Variants in COG5 observed in about 807,000 individuals in gnomAD.
COG5 encodes the protein component of oligomeric golgi complex 5.
In COG5, 86 loss-of-function variants were observed where a neutral mutation model predicts 110.4. That is an observed-to-expected ratio of 0.78 (90% confidence interval 0.65 to 0.93). COG5 has a LOEUF of 0.93. Ranked by LOEUF, COG5 falls within the 40% of genes least tolerant of loss-of-function variation. The pLI is 0.00. For synonymous variants in COG5, 360 were observed against 334.6 expected (o/e 1.08, Z -0.83); for missense variants, 1,077 against 987.0 (o/e 1.09, Z -1.22).
intron 21 of COG5, among the ~76,000 whole-genome samples, chr7:107,207,479 G>A (rs976169378): frequency 6.6e-6 from 1 of 152,172 alleles, no homozygotes; most frequent in Non-Finnish European, 1.5e-5. Flanking sequence ...GAACATTTGT[G>A]TACTCCTACT....
In COG5 at chr7:107,314,739, ACT is replaced by A. The variant is rs1206242636; in HGVS notation, c.1108+9699_1108+9700del. On this transcript the variant is annotated intron_variant, in intron 11 of 21. Transcript: ENST00000297135. ...ACTCCAGCCTGGGCAACAGAGTAAG[ACT>A]CTGTCTCAAATAAAACAAAACAAAA... is the stretch of plus-strand genomic sequence containing the variant. 2.0e-5 allele frequency among the ~76,000 whole-genome samples: 3 copies of A among 152,116 alleles called. No homozygotes were observed. In the South Asian group the frequency reaches 6.2e-4, roughly 32 times the overall value.
intron 7 of COG5, among the ~76,000 whole-genome samples, chr7:107,394,927 T>A (rs184404173): frequency 6.6e-6 from 1 of 152,134 alleles, no homozygotes; most frequent in South Asian, 2.1e-4. Context: ...GTTTCGTCTA[T>A]AAAAGAAGGG....
At chr7:107,339,521 G>A (rs1811005892) in intron 10 of COG5, among the ~76,000 whole-genome samples, 2 of 151,816 alleles carry the variant, frequency 1.3e-5, no homozygotes, top group Non-Finnish European at 2.9e-5. Context: ...TTAACTAACT[G>A]GACCTAATAG....
chr7:107,456,255 A>T (rs892742412), intron 6 of COG5, among the ~76,000 whole-genome samples: 3 of 152,226 alleles, frequency 2.0e-5, no homozygotes, highest in Non-Finnish European at 4.4e-5. Flanking sequence ...CAGTAAAAGA[A>T]ATGCCTCAAG....
chr7:107,241,311 C>G (rs1168271899), intron 17 of COG5, among the ~76,000 whole-genome samples: 8 of 151,650 alleles, frequency 5.3e-5, no homozygotes, highest in Non-Finnish European at 1.2e-4. Flanking sequence ...TATTGGTAAT[C>G]AGCAGTTATA....
At chr7:107,498,880 T>G (rs962052787) in intron 6 of COG5, among the ~76,000 whole-genome samples, 3 of 152,168 alleles carry the variant, frequency 2.0e-5, no homozygotes, top group Non-Finnish European at 4.4e-5. Flanking sequence ...ACAGCCAAAA[T>G]ACAGAAATAA....
chr7:107,324,281 G>T (rs1809563383), intron 11 of COG5, among the ~76,000 whole-genome samples, 159 bp downstream of exon 11: 1 of 152,054 alleles, frequency 6.6e-6, no homozygotes, highest in Non-Finnish European at 1.5e-5. Context: ...ATGTCTAGGA[G>T]ATTCCAGATT....
intron 6 of COG5, among the ~76,000 whole-genome samples, chr7:107,441,905 C>G (rs1253784022): frequency 6.6e-6 from 1 of 152,082 alleles, no homozygotes; most frequent in Non-Finnish European, 1.5e-5. Context: ...AAATAATAAA[C>G]CTATTGGTAT....
At chr7:107,434,957 G>A (rs373429704) in intron 6 of COG5, among the ~76,000 whole-genome samples, 2 of 150,046 alleles carry the variant, frequency 1.3e-5, no homozygotes, top group Non-Finnish European at 3.0e-5. Context: ...ACGACAGAGC[G>A]AGACTCCGTC....
intron 12 of COG5, among the ~76,000 whole-genome samples, chr7:107,295,101 ATTTTTTTT>A (rs1186745330): frequency 4.4e-5 from 2 of 45,516 alleles, no homozygotes; most frequent in African/African-American, 8.4e-5. Context: ...ATATATATAT[ATTTTTTTT>A]TTTTTTTTGT....
chr7:107,385,004 T>C (rs1051980021), intron 7 of COG5, among the ~76,000 whole-genome samples: 2 of 152,216 alleles, frequency 1.3e-5, no homozygotes, highest in Non-Finnish European at 2.9e-5. Flanking sequence ...AACCTCAGAA[T>C]GTGACCTTAT....
intron 19 of COG5, among the ~76,000 whole-genome samples, chr7:107,218,458 A>C (rs1377449599): frequency 6.6e-6 from 1 of 152,142 alleles, no homozygotes; most frequent in Admixed American, 6.5e-5. Context: ...TATATTACAG[A>C]GCTATATAGT....
chr7:107,525,022 G>A (rs1397586724), intron 6 of COG5, among the ~76,000 whole-genome samples: 1 of 152,048 alleles, frequency 6.6e-6, no homozygotes, highest in Non-Finnish European at 1.5e-5. Flanking sequence ...CCGCCTCCTG[G>A]GTTCAAGTGA....
At chr7:107,430,201 T>C (rs1206509727) in intron 6 of COG5, among the ~76,000 whole-genome samples, 1 of 152,242 alleles carries the variant, frequency 6.6e-6, no homozygotes, top group Non-Finnish European at 1.5e-5. Context: ...ACTCATGTTT[T>C]CTTCTAACAG....
At chr7:107,447,563 A>G (rs1281801020) in intron 6 of COG5, among the ~76,000 whole-genome samples, 1 of 152,210 alleles carries the variant, frequency 6.6e-6, no homozygotes, top group Non-Finnish European at 1.5e-5. Context: ...AGTATATCAC[A>G]TATTTACATA....
At chr7:107,470,778 A>G (rs1396231701) in intron 6 of COG5, among the ~76,000 whole-genome samples, 1 of 152,018 alleles carries the variant, frequency 6.6e-6, no homozygotes, top group Non-Finnish European at 1.5e-5. Context: ...TAGGTTTACT[A>G]TTTTGCTGTT....
At chr7:107,349,933 C>A (rs1162066412) in intron 10 of COG5, among the ~76,000 whole-genome samples, 1 of 152,000 alleles carries the variant, frequency 6.6e-6, no homozygotes, top group East Asian at 1.9e-4. Context: ...CTCAATTGAC[C>A]CAACCCGCCT....
chr7:107,484,404 A>T (rs936498414), intron 6 of COG5, among the ~76,000 whole-genome samples: 4 of 152,152 alleles, frequency 2.6e-5, no homozygotes, highest in African/African-American at 9.7e-5. Context: ...TGAATTCTAC[A>T]TACTTTCTAC....
At chr7:107,413,352 T>C (rs1162664163) in intron 6 of COG5, among the ~76,000 whole-genome samples, 2 of 151,742 alleles carry the variant, frequency 1.3e-5, no homozygotes, top group Non-Finnish European at 2.9e-5. Context: ...AGCTTCCACC[T>C]CCCCAGTTAT....
Sources: allele counts gnomAD v4.1 joint callset (sites outside exome capture counted in the v4.1 genomes callset), GRCh38; gene constraint gnomAD v4.1.1; transcripts MANE v1.5; gene names NCBI Gene and HGNC (gene_info 2026-07-23, HGNC 2026-07-21).